Variants in KIR2DL1 observed in about 807,000 individuals in gnomAD.
KIR2DL1 encodes the protein killer cell immunoglobulin-like receptor 2DL1.
In KIR2DL1, 38 loss-of-function variants were observed where a neutral mutation model predicts 33.9. The observed-to-expected ratio is 1.12, with a 90% CI of 0.86 to 1.47. The LOEUF (loss-of-function observed/expected upper bound fraction) is 1.47, where lower values mean the gene tolerates loss of function less well. KIR2DL1 is among the 40% of genes most tolerant of loss of function. The pLI is 0.00. For synonymous variants in KIR2DL1, 179 were observed against 165.9 expected (o/e 1.08, Z -0.61); for missense variants, 531 against 433.9 (o/e 1.22, Z -1.99).
At chr19:54,775,977 C>T (rs1410991870) in intron 4 of KIR2DL1, among the ~76,000 whole-genome samples, 9 of 146,732 alleles carry the variant, frequency 6.1e-5, no homozygotes, top group African/African-American at 1.2e-4. Context: ...CTGCAACCTC[C>T]GCCTCCTGGG....
intron 5 of KIR2DL1, among the ~76,000 whole-genome samples, chr19:54,781,908 A>T (rs2077001137): frequency 6.6e-6 from 1 of 151,958 alleles, no homozygotes; most frequent in Non-Finnish European, 1.5e-5. Context: ...CTTCCCAGAG[A>T]AGACTCTAAA....
intron 6 of KIR2DL1, 29 bp from the exon 7 acceptor site, chr19:54,783,457 G>C (rs761251714): frequency 6.2e-7 from 1 of 1,610,612 alleles, no homozygotes; most frequent in Non-Finnish European, 8.5e-7. Flanking sequence ...TGCCCTCCGA[G>C]CTGTTTTGTT....
At chr19:54,779,061 G>T (rs2076675516) in intron 5 of KIR2DL1, among the ~76,000 whole-genome samples, 3 of 147,340 alleles carry the variant, frequency 2.0e-5, no homozygotes, top group Admixed American at 1.4e-4. Context: ...GCTCCTGTAG[G>T]TCATGAAGCA....
chr19:54,782,262 C>T (rs1242470191), intron 5 of KIR2DL1, among the ~76,000 whole-genome samples: 129 of 152,000 alleles, frequency 8.5e-4, no homozygotes, highest in African/African-American at 3.0e-3. Flanking sequence ...TGAGACGTTC[C>T]TCCTGATCTC....
At chr19:54,773,809 G>T (rs2147466526) in intron 3 of KIR2DL1, among the ~76,000 whole-genome samples, 177 bp downstream of exon 3, 1 of 148,010 alleles carries the variant, frequency 6.8e-6, no homozygotes, top group South Asian at 2.1e-4. Flanking sequence ...TAGAGACCAG[G>T]TGTCATAACA....
intron 4 of KIR2DL1, among the ~76,000 whole-genome samples, chr19:54,776,667 T>A (rs1423192561): frequency 7.5e-6 from 1 of 134,148 alleles, no homozygotes; most frequent in Non-Finnish European, 1.7e-5. Context: ...TGAGAAAGAG[T>A]TTCCCTCCTT....
At position 54,774,033 on chromosome 19, in the gene KIR2DL1, C is replaced by T. The variant is rs1193564011; in HGVS notation, c.370+401C>T. On this transcript the variant is annotated intron_variant, in intron 3 of 7. Coordinates refer to ENST00000336077, the MANE Select transcript of KIR2DL1 (RefSeq NM_014218.3). ...ACCCATATTTCTGACCTGAGTTGGG[C>T]CCTGTGGCCTCAGGCCTTGTGGCAC... is the stretch of plus-strand genomic sequence containing the variant. 3.4e-5 allele frequency among the ~76,000 whole-genome samples: 5 copies of T among 148,154 alleles called. 1 individual carries two copies. Among genetic ancestry groups the T allele is most frequent in the South Asian group, 2.1e-4 (1 of 4,756 alleles).
intron 4 of KIR2DL1, among the ~76,000 whole-genome samples, chr19:54,777,539 G>T (rs10416818): frequency 6.7e-6 from 1 of 149,776 alleles, no homozygotes; most frequent in Non-Finnish European, 1.5e-5. Context: ...GTTTTATTGA[G>T]TTGTTTGAGC....
Position 54,775,307 on chromosome 19 carries a change from C to A in KIR2DL1, c.513C>A (p.Leu171=). 1 of 1,584,656 alleles carries A rather than the reference C, an allele frequency of 6.3e-7. No homozygotes were observed. The highest frequency in any genetic ancestry group is 8.7e-7 in the Non-Finnish European group (1 of 1,155,640). ...SREGEAHERR[L]PAGPKVNGTF... ...AAGGGGAGGCCCATGAACGTAGGCTCCCTGCAGGGCCCAAGGTCAACGGAA... is the reference window on the plus strand; with the variant it reads ...AAGGGGAGGCCCATGAACGTAGGCTACCTGCAGGGCCCAAGGTCAACGGAA... Residue 171 remains leucine, a synonymous_variant, in exon 4 of 8, where the codon CTC becomes CTA. Coordinates refer to ENST00000336077, the MANE Select transcript of KIR2DL1 (RefSeq NM_014218.3).
intron 6 of KIR2DL1, 101 bp downstream of exon 6, chr19:54,783,124 C>T (rs2077228942): frequency 1.5e-6 from 2 of 1,362,454 alleles, no homozygotes; most frequent in South Asian, 1.2e-5. Flanking sequence ...TGGTCCCTGG[C>T]CCAAGGCAGC....
Position 54,771,207 on chromosome 19 carries a change from G to C in KIR2DL1, c.70+323G>C, listed in dbSNP as rs1321608941. On this transcript the variant is annotated intron_variant, in intron 2 of 7. Transcript: ENST00000336077. ...CGGTAGGGGCTGCAGTGTGGCTGCT[G>C]TCATTCTACCAGAAGAGGTGGGAAA... Among the ~76,000 whole-genome samples, 761 of 147,794 alleles carry C rather than the reference G, an allele frequency of 5.1e-3. 27 individuals carry two copies. The highest frequency in any genetic ancestry group is 0.018 in the African/African-American group (728 of 40,514).
rs1285446799 is a variant in KIR2DL1, at chr19:54,783,867, A to C, written c.*54A>C. ...TCTAGGGAGACAACAGCCCTGTCTCAAAACCGGGTTGCCAGCTCCCATGTA... is the reference window on the plus strand; with the variant it reads ...TCTAGGGAGACAACAGCCCTGTCTCCAAACCGGGTTGCCAGCTCCCATGTA... On this transcript the variant is annotated 3_prime_UTR_variant, in exon 8 of 8. Transcript: ENST00000336077. The C allele has an allele frequency of 6.2e-7, 1 of 1,612,786 alleles. No individual in the cohort carries two copies. The highest frequency in any genetic ancestry group is 1.3e-5 in the African/African-American group (1 of 74,946).
At chr19:54,778,334 A>G (rs1380557208) in intron 4 of KIR2DL1, among the ~76,000 whole-genome samples, 3 of 149,344 alleles carry the variant, frequency 2.0e-5, no homozygotes, top group Non-Finnish European at 4.5e-5. Context: ...CCGTTGTTCT[A>G]TGTGCCTTTC....
chr19:54,780,818 C>G lies in KIR2DL1; in HGVS notation c.716-2104C>G, dbSNP rs1255156040. ...AGATTTATTCATCCTACACATAAAT[C>G]AATACCTGGCAAAGGAGTGACAGAT... On this transcript the variant is annotated intron_variant, in intron 5 of 7. Coordinates refer to ENST00000336077, the MANE Select transcript of KIR2DL1 (RefSeq NM_014218.3). 1.6e-5 allele frequency among the ~76,000 whole-genome samples: 2 copies of G among 128,560 alleles called. 1 individual carries two copies. Among genetic ancestry groups the G allele is most frequent in the Non-Finnish European group, 3.4e-5 (2 of 59,156 alleles). The allele number at this position is 128,560 out of a possible 152,430, so 84.3% of individuals were successfully genotyped here. A position where few individuals can be genotyped will look rare whatever the true frequency, so the allele number is the denominator to read the frequency against.
intron 5 of KIR2DL1, 137 bp from the exon 6 acceptor site, chr19:54,782,785 A>T: frequency 4.6e-6 from 4 of 866,470 alleles, no homozygotes; most frequent in Non-Finnish European, 7.6e-6. Flanking sequence ...AGCAGGAGAA[A>T]GCTGGGTCTC....
Position 54,782,955 on chromosome 19 carries a change from C to A in KIR2DL1, c.749C>A (p.Thr250Asn). 1.2e-6 allele frequency: 2 copies of A among 1,613,788 alleles called. No individual in the cohort carries two copies. Among genetic ancestry groups the A allele is most frequent in the Non-Finnish European group, 1.7e-6 (2 of 1,179,920 alleles). The change falls in exon 6 of 8, where the codon ACC becomes AAC. Residue 250 changes from threonine to asparagine, a missense_variant. Transcript: ENST00000336077. ...CGACACCTGCACATTCTGATTGGGA[C>A]CTCAGTGGTCATCATCCTCTTCATC... is the stretch of plus-strand genomic sequence containing the variant. ...NPRHLHILIG[T>N]SVVIILFILL...
chr19:54,775,506 A>T, intron 4 of KIR2DL1, 48 bp downstream of exon 4: 3 of 1,508,186 alleles, frequency 2.0e-6, no homozygotes, highest in Non-Finnish European at 2.7e-6. Context: ...CTAGAGCCTT[A>T]GCTGAGGAGC....
intron 4 of KIR2DL1, among the ~76,000 whole-genome samples, chr19:54,777,484 T>C (rs2076488597): frequency 6.7e-6 from 1 of 149,676 alleles, no homozygotes. Flanking sequence ...TTTTCGTATG[T>C]GGGGAAATTT....
At position 54,784,295 on chromosome 19, in the gene KIR2DL1, A is replaced by C. The variant is rs1246502487; in HGVS notation, c.*482A>C. 1.8e-3 allele frequency: 447 copies of C among 242,882 alleles called. 1 individual carries two copies. Among genetic ancestry groups the C allele is most frequent in the African/African-American group, 9.5e-3 (408 of 42,742 alleles). 15.0% of individuals were successfully genotyped at this position (242,882 alleles called of 1,614,324 possible). Reference sequence around the variant, plus strand: ...TAAAATAACTTCAATGTAGTTTTCCATCCTTCAAATAAACATGTCTGCCCC... The same window carrying C: ...TAAAATAACTTCAATGTAGTTTTCCCTCCTTCAAATAAACATGTCTGCCCC... On this transcript the variant is annotated 3_prime_UTR_variant, in exon 8 of 8. Transcript: ENST00000336077.
Sources: gnomAD v4.1 joint callset for allele counts (sites outside exome capture counted in the v4.1 genomes callset) on GRCh38, gnomAD v4.1.1 for gene constraint, MANE v1.5 for transcripts, NCBI Gene and HGNC (gene_info 2026-07-23, HGNC 2026-07-21) for gene names.